BIN1: variants seen among roughly 807,000 people sequenced by gnomAD.
BIN1 encodes myc box-dependent-interacting protein 1.
In BIN1, 53 loss-of-function variants were observed where a neutral mutation model predicts 82.0. The observed-to-expected ratio is 0.65, with a 90% CI of 0.52 to 0.81. The LOEUF is 0.81. Among genes scored for constraint, BIN1 ranks in the 40% least tolerant of loss-of-function variants. The pLI, the probability that BIN1 is intolerant of heterozygous loss-of-function variation, is 0.00. For missense variants in BIN1, 642 were observed against 784.4 expected (o/e 0.82, Z 2.17); for synonymous variants, 302 against 328.0 (o/e 0.92, Z 0.86).
intron 15 of BIN1, among the ~76,000 whole-genome samples, chr2:127,051,870 C>T (rs1421970068): frequency 6.6e-6 from 1 of 152,226 alleles, no homozygotes; most frequent in Non-Finnish European, 1.5e-5. Context: ...GTGCTGGAAC[C>T]AAGTTACTCA....
chr2:127,098,205 TA>T (rs1679843250), intron 1 of BIN1, among the ~76,000 whole-genome samples: 1 of 152,162 alleles, frequency 6.6e-6, no homozygotes, highest in African/African-American at 2.4e-5. Context: ...ACAAGGACCA[TA>T]TTTCAGGAGC....
chr2:127,100,269 C>T (rs1428006483), intron 1 of BIN1, among the ~76,000 whole-genome samples: 1 of 152,236 alleles, frequency 6.6e-6, no homozygotes, highest in Non-Finnish European at 1.5e-5. Flanking sequence ...GTCTACCACA[C>T]ACTCCAAAGT....
intron 7 of BIN1, among the ~76,000 whole-genome samples, chr2:127,066,060 G>A (rs1024137675): frequency 6.6e-6 from 1 of 152,172 alleles, no homozygotes; most frequent in African/African-American, 2.4e-5. Context: ...CTAGCCCAGG[G>A]TCTGCATGGA....
chr2:127,061,244 C>T (rs2104978158), intron 10 of BIN1, among the ~76,000 whole-genome samples: 1 of 149,772 alleles, frequency 6.7e-6, no homozygotes, highest in East Asian at 2.0e-4. Flanking sequence ...CGCCACCGTC[C>T]TAACCTCCCC....
At chr2:127,103,902 C>G (rs900140966) in intron 1 of BIN1, among the ~76,000 whole-genome samples, 4 of 152,226 alleles carry the variant, frequency 2.6e-5, no homozygotes, top group Non-Finnish European at 2.9e-5. Context: ...CCAGCACACA[C>G]AGTGCACCCC....
chr2:127,072,750 A>C (rs537854426), intron 2 of BIN1, among the ~76,000 whole-genome samples: 2 of 152,308 alleles, frequency 1.3e-5, no homozygotes, highest in East Asian at 3.9e-4. Flanking sequence ...AAGAAACAGA[A>C]GACTGCTCCA....
intron 1 of BIN1, among the ~76,000 whole-genome samples, chr2:127,085,499 G>A (rs1005172781): frequency 1.3e-5 from 2 of 152,198 alleles, no homozygotes; most frequent in Non-Finnish European, 2.9e-5. Context: ...CTCCCTGGCA[G>A]AGCCACCTGT....
intron 15 of BIN1, 137 bp downstream of exon 15, chr2:127,052,118 T>C: frequency 1.0e-6 from 1 of 975,124 alleles, no homozygotes; most frequent in Non-Finnish European, 1.6e-6. Context: ...TGGGGCAGCC[T>C]AGCTCAGGAC....
At chr2:127,103,532 C>G (rs1680617759) in intron 1 of BIN1, among the ~76,000 whole-genome samples, 1 of 152,146 alleles carries the variant, frequency 6.6e-6, no homozygotes, top group Non-Finnish European at 1.5e-5. Flanking sequence ...GGAGGGACAG[C>G]ATGCACACTC....
Position 127,093,211 on chromosome 2 carries a change from G to A in BIN1, c.84+13649C>T, listed in dbSNP as rs1201996984. Among the ~76,000 whole-genome samples the A allele has an allele frequency of 6.6e-6, 1 of 152,164 alleles. No homozygotes were observed. Among genetic ancestry groups the A allele is most frequent in the South Asian group, 2.1e-4 (1 of 4,822 alleles). ...CTCAGAACACAGCACCCCAAAGTGTGGTGCTGTGGCTCACTGCAGACTCTG... is the reference window on the plus strand; with the variant it reads ...CTCAGAACACAGCACCCCAAAGTGTAGTGCTGTGGCTCACTGCAGACTCTG... On this transcript the variant is annotated intron_variant, in intron 1 of 18. Coordinates refer to ENST00000316724, the MANE Select transcript of BIN1 (RefSeq NM_139343.3). The surrounding 1 kb of genome is among the most constrained non-coding windows in gnomAD (Gnocchi z 5.7).
At chr2:127,087,500 G>A (rs927729599) in intron 1 of BIN1, among the ~76,000 whole-genome samples, 36 of 152,202 alleles carry the variant, frequency 2.4e-4, no homozygotes, top group African/African-American at 8.0e-4. Context: ...GGTGGGCTGC[G>A]GTGGCCTGGG....
rs2105047787 is a variant in BIN1 at position 127,068,064 on chromosome 2, C to G, written c.612+99G>C. 2 of 1,260,124 alleles carry G rather than the reference C, an allele frequency of 1.6e-6. No individual in the cohort carries two copies. The highest frequency in any genetic ancestry group is 1.5e-5 in the African/African-American group (1 of 67,382). The allele number at this position is 1,260,124 out of a possible 1,614,324, so 78.1% of individuals were successfully genotyped here. A position where few individuals can be genotyped will look rare whatever the true frequency, so the allele number is the denominator to read the frequency against. On this transcript the variant is annotated intron_variant, in intron 7 of 18. Coordinates refer to ENST00000316724, the MANE Select transcript of BIN1 (RefSeq NM_139343.3). This position sits in a 1 kb window ranked among gnomAD's most constrained non-coding sequence, Gnocchi z 4.9. ...AGGCCTTTGAAAAACCCTGCCCCAG[C>G]TGGGCTCAGATGCCAGCCCTGCATT...
At chr2:127,070,189 C>G in intron 4 of BIN1, 99 bp from the exon 5 acceptor site, 1 of 958,696 alleles carries the variant, frequency 1.0e-6, no homozygotes, top group Non-Finnish European at 1.6e-6. Context: ...CATCTCTTCA[C>G]AGCTCAGTGG....
intron 14 of BIN1, chr2:127,052,841 A>G (rs1374949301): frequency 4.0e-6 from 1 of 248,568 alleles, no homozygotes; most frequent in Non-Finnish European, 7.9e-6. Context: ...TTGGGCAAGT[A>G]CTGAGCCTTC....
At chr2:127,062,285 C>A in intron 9 of BIN1, 88 bp from the exon 10 acceptor site, 2 of 1,252,736 alleles carry the variant, frequency 1.6e-6, no homozygotes, top group Non-Finnish European at 2.3e-6. Flanking sequence ...CTCCCCACCA[C>A]CCCCAGCCCC....
rs567487728 is a variant in BIN1 at position 127,081,073 on chromosome 2, G to A, written c.85-4367C>T. 2.5e-3 allele frequency among the ~76,000 whole-genome samples: 379 copies of A among 152,318 alleles called. 1 individual carries two copies. Among genetic ancestry groups the A allele is most frequent in the Non-Finnish European group, 4.1e-3 (282 of 68,022 alleles). ...GCCCTGGCGTCAGCCGCTCCCTGTG[G>A]GTACAGGGAGTCCTGCCACCCTCCA... is the stretch of plus-strand genomic sequence containing the variant. On this transcript the variant is annotated intron_variant, in intron 1 of 18. Transcript: ENST00000316724.
intron 2 of BIN1, among the ~76,000 whole-genome samples, chr2:127,072,163 G>A (rs894328587): frequency 2.6e-5 from 4 of 152,224 alleles, no homozygotes; most frequent in African/African-American, 7.2e-5. Context: ...CGCAAGAGCC[G>A]GAAGGTGGGC....
At chr2:127,087,286 TCTC>T (rs1489728184) in intron 1 of BIN1, among the ~76,000 whole-genome samples, 2 of 151,836 alleles carry the variant, frequency 1.3e-5, no homozygotes, top group African/African-American at 4.8e-5. Context: ...AGTTGCAGGG[TCTC>T]CTCCTCCACA....
intron 2 of BIN1, 109 bp downstream of exon 2, chr2:127,076,517 G>C (rs575445350): frequency 7.9e-7 from 1 of 1,270,470 alleles, no homozygotes; most frequent in African/African-American, 1.5e-5. Context: ...AGCCCACACT[G>C]ATTACCCTCC....
Sources: allele counts gnomAD v4.1 joint callset (sites outside exome capture counted in the v4.1 genomes callset), GRCh38; gene constraint gnomAD v4.1.1; non-coding constraint Gnocchi (gnomAD v3.1); transcripts MANE v1.5; gene names NCBI Gene and HGNC (gene_info 2026-07-23, HGNC 2026-07-21).